Variants in DENND2C observed in about 807,000 individuals in gnomAD.
DENND2C encodes the protein DENN domain-containing protein 2C.
A neutral mutation model predicts 112.4 loss-of-function variants in DENND2C; 72 were observed. The observed-to-expected ratio is 0.64, with a 90% CI of 0.53 to 0.78. The LOEUF (loss-of-function observed/expected upper bound fraction) is 0.78, where lower values mean the gene tolerates loss of function less well. DENND2C is among the 30% of genes least tolerant of loss of function. DENND2C has a pLI of 0.00. For missense variants in DENND2C, 992 were observed against 1,113.8 expected, an observed-to-expected ratio of 0.89 and a Z score of 1.56; for synonymous variants, 329 against 381.6, an observed-to-expected ratio of 0.86 and a Z score of 1.61.
At chr1:114,639,712 AT>A (rs112934605) in intron 3 of DENND2C, among the ~76,000 whole-genome samples, 3,399 of 142,234 alleles carry the variant, frequency 0.024, 64 homozygotes, top group Middle Eastern at 0.063. Context: ...CATTATATTA[AT>A]TTTTTTTTTT....
intron 9 of DENND2C, among the ~76,000 whole-genome samples, chr1:114,610,264 A>T (rs1288948294): frequency 6.6e-6 from 1 of 152,234 alleles, no homozygotes; most frequent in East Asian, 1.9e-4. Context: ...TCAGAAATGC[A>T]TGGTGCATTC....
At chr1:114,619,463 C>T (rs1656101478) in intron 7 of DENND2C, among the ~76,000 whole-genome samples, 2 of 152,122 alleles carry the variant, frequency 1.3e-5, no homozygotes, top group African/African-American at 2.4e-5. Context: ...GTTTCTCTAG[C>T]CATCCTGACA....
intron 1 of DENND2C, among the ~76,000 whole-genome samples, chr1:114,657,556 C>T (rs1657368463): frequency 6.6e-6 from 1 of 151,914 alleles, no homozygotes; most frequent in Non-Finnish European, 1.5e-5. Flanking sequence ...AAAGAGTGGT[C>T]AACAATTGAC....
chr1:114,639,424 C>CA lies in DENND2C; in HGVS notation c.-205+6023dup, dbSNP rs1242337490. ...TGAAACCCCACCTCTACTAAAAATA[C>CA]AAAAAATTAGCTAGACTGGTGGTGG... On this transcript the variant is annotated intron_variant, in intron 3 of 20. Coordinates refer to ENST00000393274, the MANE Select transcript of DENND2C (RefSeq NM_001256404.2). Among the ~76,000 whole-genome samples, 34 of 151,732 alleles carry CA rather than the reference C, an allele frequency of 2.2e-4. 1 individual carries two copies. The highest frequency in any genetic ancestry group is 2.0e-3 in the Admixed American group (31 of 15,242).
At position 114,635,733 on chromosome 1, in the gene DENND2C, G is replaced by A. The variant is rs190457388; in HGVS notation, c.-204-9545C>T. 2.0e-3 allele frequency among the ~76,000 whole-genome samples: 310 copies of A among 152,172 alleles called. 2 individuals are homozygous for A. The highest frequency in any genetic ancestry group is 6.8e-3 in the Middle Eastern group (2 of 294). On this transcript the variant is annotated intron_variant, in intron 3 of 20. Coordinates refer to ENST00000393274, the MANE Select transcript of DENND2C (RefSeq NM_001256404.2). ...TAAAATATTAGTAAGTCCACTGGGCGCGATCACTCACACCTGTAATCCCAA... is the reference window on the plus strand; with the variant it reads ...TAAAATATTAGTAAGTCCACTGGGCACGATCACTCACACCTGTAATCCCAA...
chr1:114,588,705 A>G (rs1009356772), intron 18 of DENND2C: 4 of 152,160 alleles, frequency 2.6e-5, no homozygotes, highest in Non-Finnish European at 4.4e-5. Context: ...AACCCATTAT[A>G]TTTCCCCACC....
intron 2 of DENND2C, among the ~76,000 whole-genome samples, chr1:114,646,589 A>T (rs1656994767): frequency 6.6e-6 from 1 of 152,030 alleles, no homozygotes; most frequent in African/African-American, 2.4e-5. Context: ...GTCACCGCCA[A>T]CTCCGTTTTG....
intron 17 of DENND2C, among the ~76,000 whole-genome samples, 167 bp from the exon 18 acceptor site, chr1:114,594,745 T>C (rs1655296308): frequency 6.6e-6 from 1 of 152,252 alleles, no homozygotes; most frequent in South Asian, 2.1e-4. Flanking sequence ...TTCATGTTTA[T>C]GGTGTATATT....
At chr1:114,620,963 T>A (rs1172642724) in intron 7 of DENND2C, among the ~76,000 whole-genome samples, 1 of 152,176 alleles carries the variant, frequency 6.6e-6, no homozygotes, top group Non-Finnish European at 1.5e-5. Context: ...CTAATTCAGA[T>A]GGGATTAAAG....
chr1:114,603,891 T>C (rs1373673261), intron 11 of DENND2C, among the ~76,000 whole-genome samples: 1 of 152,176 alleles, frequency 6.6e-6, no homozygotes, highest in African/African-American at 2.4e-5. Context: ...AAATAAAGAT[T>C]GGAAGGGAAT....
chr1:114,649,722 A>G (rs1657102669), intron 2 of DENND2C, among the ~76,000 whole-genome samples: 1 of 152,184 alleles, frequency 6.6e-6, no homozygotes, highest in South Asian at 2.1e-4. Flanking sequence ...GTAAATTCTT[A>G]GCAAGACACT....
In DENND2C at chr1:114,623,596, G is replaced by A. The variant is rs745588863; in HGVS notation, c.854C>T (p.Ser285Leu). 1.2e-6 allele frequency: 2 copies of A among 1,607,724 alleles called. No homozygotes were observed. Among genetic ancestry groups the A allele is most frequent in the Non-Finnish European group, 8.5e-7 (1 of 1,177,000 alleles). ...EDIQHFRNRN[S>L]QTIREELGRN... ...TCCAAGTTCTTCACGAATCGTCTGT[G>A]AGTTCCGATTTCGAAAGTGCTGAAT... Residue 285 changes from serine (S) to leucine (L), a missense_variant, in exon 5 of 21, where the codon TCA (serine) becomes TTA (leucine). Coordinates refer to ENST00000393274, the MANE Select transcript of DENND2C (RefSeq NM_001256404.2).
intron 3 of DENND2C, among the ~76,000 whole-genome samples, chr1:114,636,067 T>C (rs1656648851): frequency 6.7e-6 from 1 of 150,280 alleles, no homozygotes; most frequent in Non-Finnish European, 1.5e-5. Flanking sequence ...CAAATCAAAC[T>C]CATAAATAAA....
intron 8 of DENND2C, among the ~76,000 whole-genome samples, chr1:114,614,662 A>C (rs544439240): frequency 1.2e-4 from 19 of 152,302 alleles, no homozygotes; most frequent in African/African-American, 4.3e-4. Flanking sequence ...AATTTACTAC[A>C]ATGTTCCTAA....
At position 114,621,995 on chromosome 1, in the gene DENND2C, G is replaced by T; in HGVS notation, c.1127C>A (p.Ser376Ter). The T allele has an allele frequency of 6.4e-7, 1 of 1,550,836 alleles. No homozygotes were observed. Among genetic ancestry groups the T allele is most frequent in the South Asian group, 1.2e-5 (1 of 84,020 alleles). Reference protein sequence around the residue: ...EVKNSQAYLRSKLTKDTTLPV... With the variant: ...EVKNSQAYLR ...CAAAGTTGTATCTTTTGTAAGCTTT[G>T]ACCGCAAATAAGCCTGTGAGTTCTT... is the stretch of plus-strand genomic sequence containing the variant. Residue 376 changes from serine (S) to a stop codon, truncating the protein, a stop_gained, in exon 7 of 21, where the codon TCA (serine) becomes TAA (stop). Transcript: ENST00000393274. LOFTEE classifies it high-confidence loss of function.
Position 114,585,383 on chromosome 1 carries a change from A to G in DENND2C, c.*217T>C, listed in dbSNP as rs1557935473. The G allele has an allele frequency of 2.2e-6, 1 of 456,390 alleles. No individual in the cohort carries two copies. The highest frequency in any genetic ancestry group is 4.0e-6 in the Non-Finnish European group (1 of 252,656). 28.3% of individuals were successfully genotyped at this position (456,390 alleles called of 1,614,324 possible). A position where few individuals can be genotyped will look rare whatever the true frequency, so the allele number is the denominator to read the frequency against. ...AGGCTGCTATAAAAAAAAAATGGAG[A>G]CAGAGTAAAGATGGCATGGTGCCAG... On this transcript the variant is annotated 3_prime_UTR_variant, in exon 21 of 21. Transcript: ENST00000393274.
In DENND2C at chr1:114,630,223, G is replaced by A. The variant is rs908465551; in HGVS notation, c.-204-4035C>T. ...CTCAGGAGGCTGAGGCAGGAGAATC[G>A]CTTGAACCCGGGAGGTAGAGGCTTC... On this transcript the variant is annotated intron_variant, in intron 3 of 20. Transcript: ENST00000393274. Among the ~76,000 whole-genome samples, 5 of 152,018 alleles carry A rather than the reference G, an allele frequency of 3.3e-5. No individual in the cohort carries two copies. In the East Asian group the frequency reaches 5.8e-4, roughly 18 times the overall value.
chr1:114,626,035 C>G lies in DENND2C; in HGVS notation c.-51G>C. The G allele has an allele frequency of 2.0e-6, 3 of 1,478,498 alleles. No individual in the cohort carries two copies. Among genetic ancestry groups the G allele is most frequent in the Non-Finnish European group, 2.8e-6 (3 of 1,088,412 alleles). 91.6% of individuals were successfully genotyped at this position (1,478,498 alleles called of 1,614,324 possible). A position where few individuals can be genotyped will look rare whatever the true frequency, so the allele number is the denominator to read the frequency against. ...GATGAATCTTACAAAGGTTCCATTA[C>G]AAGTAAATGTGAAATATTGTATTCT... is the stretch of plus-strand genomic sequence containing the variant. On this transcript the variant is annotated 5_prime_UTR_variant, in exon 4 of 21. Transcript: ENST00000393274.
intron 3 of DENND2C, among the ~76,000 whole-genome samples, chr1:114,637,369 C>CAAAA (rs71575188): frequency 7.8e-5 from 10 of 127,708 alleles, no homozygotes; most frequent in African/African-American, 1.4e-4. Flanking sequence ...GACTCTGTCT[C>CAAAA]AAAAAAAAAA....
Sources: allele counts gnomAD v4.1 joint callset (sites outside exome capture counted in the v4.1 genomes callset), GRCh38; gene constraint gnomAD v4.1.1; transcripts MANE v1.5; gene names NCBI Gene and HGNC (gene_info 2026-07-23, HGNC 2026-07-21).